MND1: variants seen among roughly 807,000 people sequenced by gnomAD.
MND1 encodes the protein meiotic nuclear division protein 1 homolog.
MND1 carries 28 observed loss-of-function variants against 35.1 expected under a neutral mutation model. The ratio of observed to expected loss-of-function variants is 0.80; its 90% confidence interval spans 0.59 to 1.09. The LOEUF (loss-of-function observed/expected upper bound fraction) is 1.09, where lower values mean the gene tolerates loss of function less well. Ranked by LOEUF, MND1 falls within the 50% of genes least tolerant of loss-of-function variation. The pLI is 0.00. For missense variants in MND1, 213 were observed against 239.6 expected, an observed-to-expected ratio of 0.89 and a Z score of 0.73; for synonymous variants, 69 against 70.5, an observed-to-expected ratio of 0.98 and a Z score of 0.11.
intron 1 of MND1, 55 bp downstream of exon 1, chr4:153,344,795 G>C (rs1773030257): frequency 1.9e-6 from 3 of 1,585,012 alleles, no homozygotes; most frequent in Non-Finnish European, 2.6e-6. Flanking sequence ...TGTGGGCTTC[G>C]CCGCCCCTCG....
chr4:153,401,251 TAAA>T (rs918789063), intron 6 of MND1, among the ~76,000 whole-genome samples: 2 of 151,762 alleles, frequency 1.3e-5, no homozygotes, highest in Non-Finnish European at 2.9e-5. Context: ...ATAAATAAAA[TAAA>T]AATTTTAAAA....
chr4:153,353,184 T>A (rs1773256758), intron 2 of MND1, among the ~76,000 whole-genome samples: 2 of 152,042 alleles, frequency 1.3e-5, no homozygotes, highest in Non-Finnish European at 2.9e-5. Flanking sequence ...TTTAAATAAT[T>A]TATTCCTCGA....
chr4:153,400,838 T>C (rs1342529105), intron 6 of MND1, among the ~76,000 whole-genome samples: 2 of 152,166 alleles, frequency 1.3e-5, no homozygotes, highest in African/African-American at 2.4e-5. Context: ...TCAGTCAAAA[T>C]TGACCCAGAA....
At chr4:153,363,941 AAC>A (rs998487257) in intron 4 of MND1, among the ~76,000 whole-genome samples, 1 of 152,180 alleles carries the variant, frequency 6.6e-6, no homozygotes, top group African/African-American at 2.4e-5. Context: ...TACTATCAAA[AAC>A]ACAGAGAAGG....
intron 4 of MND1, among the ~76,000 whole-genome samples, chr4:153,379,663 A>G (rs1329204250): frequency 1.3e-5 from 2 of 152,038 alleles, no homozygotes; most frequent in East Asian, 3.9e-4. Flanking sequence ...CAGCCTGACC[A>G]GCATGGTGAA....
At chr4:153,378,666 C>T (rs1728576877) in intron 4 of MND1, among the ~76,000 whole-genome samples, 1 of 152,072 alleles carries the variant, frequency 6.6e-6, no homozygotes. Context: ...ACTTTTTCTC[C>T]CCAGAGCTGA....
At chr4:153,346,181 A>G (rs1191644626) in intron 1 of MND1, among the ~76,000 whole-genome samples, 2 of 152,240 alleles carry the variant, frequency 1.3e-5, no homozygotes, top group South Asian at 2.1e-4. Flanking sequence ...TAGGCATCCT[A>G]AGTAAATAGT....
At chr4:153,368,794 C>T (rs1773720521) in intron 4 of MND1, among the ~76,000 whole-genome samples, 1 of 151,452 alleles carries the variant, frequency 6.6e-6, no homozygotes, top group Non-Finnish European at 1.5e-5. Flanking sequence ...ATGAATACTA[C>T]TGTTTTGTAG....
At chr4:153,384,960 ATG>A (rs1208197791) in intron 4 of MND1, among the ~76,000 whole-genome samples, 2 of 152,200 alleles carry the variant, frequency 1.3e-5, no homozygotes, top group Non-Finnish European at 2.9e-5. Flanking sequence ...TTTTCTTTTA[ATG>A]ACTACTGTCT....
chr4:153,402,731 G>A (rs192010644), intron 6 of MND1, among the ~76,000 whole-genome samples: 7 of 152,052 alleles, frequency 4.6e-5, no homozygotes, highest in African/African-American at 7.2e-5. Flanking sequence ...ATCTGGCCTC[G>A]GGTATGCCCA....
intron 6 of MND1, among the ~76,000 whole-genome samples, chr4:153,397,629 C>T (rs926727537): frequency 2.7e-5 from 4 of 150,456 alleles, no homozygotes; most frequent in Non-Finnish European, 5.9e-5. Flanking sequence ...CCAGCCTGGC[C>T]AACATGGTGA....
chr4:153,402,579 G>A (rs149062336), intron 6 of MND1, among the ~76,000 whole-genome samples: 13 of 152,158 alleles, frequency 8.5e-5, no homozygotes, highest in African/African-American at 1.2e-4. Context: ...GACCTTGAAG[G>A]ATAACAACCC....
chr4:153,407,426 G>A (rs182096568), intron 6 of MND1, among the ~76,000 whole-genome samples: 127 of 152,178 alleles, frequency 8.3e-4, no homozygotes, highest in African/African-American at 3.0e-3. Flanking sequence ...CCGCGCTATT[G>A]CACTCCACCC....
intron 4 of MND1, among the ~76,000 whole-genome samples, chr4:153,392,095 T>G (rs932627881): frequency 6.7e-6 from 1 of 148,870 alleles, no homozygotes; most frequent in African/African-American, 2.5e-5. Context: ...TGTTTTTTTG[T>G]GGGGGGCAGT....
chr4:153,360,149 C>A (rs1773446370), intron 4 of MND1, among the ~76,000 whole-genome samples: 1 of 152,038 alleles, frequency 6.6e-6, no homozygotes, highest in African/African-American at 2.4e-5. Context: ...AGATCTTTTG[C>A]CCATTTTTCA....
chr4:153,362,986 G>T, intron 4 of MND1: 2 of 984,938 alleles, frequency 2.0e-6, no homozygotes, highest in Non-Finnish European at 2.4e-6. Context: ...TTTTCCTATA[G>T]GTGACTTTCC....
rs572146726 is a variant in MND1, at chr4:153,393,378, T to C, written c.277-884T>C. Among the ~76,000 whole-genome samples the C allele has an allele frequency of 2.0e-5, 3 of 149,768 alleles. No homozygotes were observed. The East Asian group carries it at 5.8e-4, about 29-fold the overall frequency. ...AAATTCAATTTCTTTCTTTTTTTTT[T>C]TTTTTTTTTTGAAACAGGGTCTCAC... On this transcript the variant is annotated intron_variant, in intron 4 of 7. Transcript: ENST00000240488.
At position 153,363,976 on chromosome 4, in the gene MND1, G is replaced by T. The variant is rs529451716; in HGVS notation, c.276+5354G>T. 2.6e-5 allele frequency among the ~76,000 whole-genome samples: 4 copies of T among 152,308 alleles called. No individual in the cohort carries two copies. In the South Asian group the frequency reaches 8.3e-4, roughly 32 times the overall value. On this transcript the variant is annotated intron_variant, in intron 4 of 7. Coordinates refer to ENST00000240488, the MANE Select transcript of MND1 (RefSeq NM_032117.4). ...AGGCCAGGTGTGGTGGCTTATGCCT[G>T]TTATCCCAATACTTTGGGAGGTCGA...
chr4:153,390,889 A>ATATGTG lies in MND1; in HGVS notation c.277-3372_277-3371insATGTGT, dbSNP rs757236550. On this transcript the variant is annotated intron_variant, in intron 4 of 7. Transcript: ENST00000240488. ...CCGTCTCAAAAAAAAAGGTATATAT[A>ATATGTG]TGTGTGTGTGTGTGTGTGTGTGTGT... Among the ~76,000 whole-genome samples, 1,242 of 139,826 alleles carry ATATGTG rather than the reference A, an allele frequency of 8.9e-3. 16 individuals are homozygous for ATATGTG. Among genetic ancestry groups the ATATGTG allele is most frequent in the African/African-American group, 0.031 (1,171 of 38,214 alleles). The allele number at this position is 139,826 out of a possible 152,430, so 91.7% of individuals were successfully genotyped here. A position where few individuals can be genotyped will look rare whatever the true frequency, so the allele number is the denominator to read the frequency against.
Sources: allele counts gnomAD v4.1 joint callset (sites outside exome capture counted in the v4.1 genomes callset), GRCh38; gene constraint gnomAD v4.1.1; transcripts MANE v1.5; gene names NCBI Gene and HGNC (gene_info 2026-07-23, HGNC 2026-07-21).